The following ZFHX3 variants were observed in gnomAD, a reference collection of about 807,000 sequenced individuals.
The protein encoded by ZFHX3 is zinc finger homeobox 3.
Under a neutral mutation model 279.1 loss-of-function variants are expected in ZFHX3, and 42 were observed. That is an observed-to-expected ratio of 0.15 (90% CI 0.12 to 0.19). The LOEUF (loss-of-function observed/expected upper bound fraction) is 0.19, where lower values mean the gene tolerates loss of function less well. ZFHX3 is among the 10% of genes least tolerant of loss of function. The pLI, the probability that ZFHX3 is intolerant of heterozygous loss-of-function variation, is 1.00. For missense variants in ZFHX3, 4,981 were observed against 4,754.0 expected, an observed-to-expected ratio of 1.05 and a Z score of -1.40; for synonymous variants, 2,293 against 1,957.8, an observed-to-expected ratio of 1.17 and a Z score of -4.52.
chr16:72,902,635 A>G (rs2039067669), intron 3 of ZFHX3, among the ~76,000 whole-genome samples: 1 of 152,230 alleles, frequency 6.6e-6, no homozygotes, highest in Non-Finnish European at 1.5e-5. Flanking sequence ...ATTGTCCAGC[A>G]GAGTGGAGGA....
intron 3 of ZFHX3, among the ~76,000 whole-genome samples, chr16:73,393,245 G>A (rs1340890742): frequency 6.6e-6 from 1 of 152,144 alleles, no homozygotes. Flanking sequence ...CATTGTACCC[G>A]GCCCTTCCTT....
intron 5 of ZFHX3, among the ~76,000 whole-genome samples, chr16:73,168,267 C>CTT (rs1321620660): frequency 1.0e-4 from 15 of 148,508 alleles, no homozygotes; most frequent in African/African-American, 3.3e-4. Flanking sequence ...TTCTTTCTTT[C>CTT]TTTCTTTCTT....
chr16:73,000,995 G>A (rs771351737), intron 1 of ZFHX3, among the ~76,000 whole-genome samples: 7 of 152,166 alleles, frequency 4.6e-5, no homozygotes, highest in African/African-American at 1.4e-4. Flanking sequence ...ATCCCACCCC[G>A]TGGCATTCAC....
intron 1 of ZFHX3, among the ~76,000 whole-genome samples, chr16:73,057,472 A>T (rs749886790): frequency 2.7e-5 from 4 of 150,234 alleles, no homozygotes; most frequent in Non-Finnish European, 5.9e-5. Flanking sequence ...TTTTGCATCG[A>T]GTGGAGCCGG....
At chr16:73,053,348 C>G (rs1234756668) in intron 1 of ZFHX3, among the ~76,000 whole-genome samples, 1 of 152,044 alleles carries the variant, frequency 6.6e-6, no homozygotes, top group African/African-American at 2.4e-5. Flanking sequence ...GGATGGAAGG[C>G]GGTGGTGGGG....
chr16:73,478,911 G>A (rs1248562333), intron 2 of ZFHX3, among the ~76,000 whole-genome samples: 1 of 152,142 alleles, frequency 6.6e-6, no homozygotes, highest in African/African-American at 2.4e-5. Flanking sequence ...AATTAGCCAG[G>A]CATGGTGGTG....
intron 1 of ZFHX3, among the ~76,000 whole-genome samples, chr16:73,866,014 A>G (rs1962009293): frequency 1.3e-5 from 2 of 151,934 alleles, no homozygotes; most frequent in Admixed American, 6.6e-5. Context: ...AAAATAAAAC[A>G]AAACATGCTA....
At position 73,386,570 on chromosome 16, in the gene ZFHX3, G is replaced by A. The variant is rs185240990; in HGVS notation, c.-1290-68234C>T. 1.3e-3 allele frequency among the ~76,000 whole-genome samples: 198 copies of A among 152,112 alleles called. 1 individual carries two copies. Among genetic ancestry groups the A allele is most frequent in the Non-Finnish European group, 2.5e-3 (168 of 68,000 alleles). On this transcript the variant is annotated intron_variant, in intron 3 of 17. Coordinates refer to the ZFHX3 transcript ENST00000641206. ...CCTGGAGGTGTTTGCATTTTCATAG[G>A]GAGCAATTCCTTTCTTAACCCAACA...
At chr16:73,463,024 C>A (rs998482303) in intron 2 of ZFHX3, among the ~76,000 whole-genome samples, 1 of 152,138 alleles carries the variant, frequency 6.6e-6, no homozygotes, top group African/African-American at 2.4e-5. Flanking sequence ...TCTTCAGTGA[C>A]TTTTCTGATA....
At chr16:73,019,144 AAAGCTATCACTACGAGGC>A (rs1177720458) in intron 1 of ZFHX3, among the ~76,000 whole-genome samples, 1 of 152,206 alleles carries the variant, frequency 6.6e-6, no homozygotes, top group African/African-American at 2.4e-5. Flanking sequence ...GTGACTTTCA[AAAGCTATCACTACGAGGC>A]AAGGACCGAG....
chr16:73,768,592 C>G (rs2053980766), intron 1 of ZFHX3, among the ~76,000 whole-genome samples: 2 of 152,156 alleles, frequency 1.3e-5, no homozygotes, highest in African/African-American at 4.8e-5. Context: ...ATCAATCTCT[C>G]TACAGATTGC....
intron 1 of ZFHX3, among the ~76,000 whole-genome samples, chr16:73,866,776 C>A (rs115078164): frequency 4.6e-5 from 7 of 152,196 alleles, no homozygotes; most frequent in Non-Finnish European, 2.9e-5. Context: ...AGGAAGGACA[C>A]GTGAAGGAGT....
At chr16:73,486,695 A>G (rs1597354705) in intron 2 of ZFHX3, 4 of 431,030 alleles carry the variant, frequency 9.3e-6, no homozygotes, top group Non-Finnish European at 1.9e-5. Flanking sequence ...CTAGCCCAGG[A>G]CTTTCCTGGT....
intron 1 of ZFHX3, among the ~76,000 whole-genome samples, chr16:73,699,126 G>A (rs1044105022): frequency 2.6e-5 from 4 of 152,064 alleles, no homozygotes; most frequent in Admixed American, 6.5e-5. Context: ...TTCGTGATCC[G>A]CCCACCTTGG....
chr16:73,096,120 G>A (rs1966159053), intron 7 of ZFHX3, among the ~76,000 whole-genome samples: 1 of 152,134 alleles, frequency 6.6e-6, no homozygotes. Context: ...CACCTGGTTG[G>A]GGAATGTGAT....
In ZFHX3 at chr16:72,958,951, T is replaced by A. The variant is rs780317584; in HGVS notation, c.1195A>T (p.Thr399Ser). The change falls in exon 2 of 10, where the codon ACC becomes TCC. Residue 399 changes from threonine to serine, a missense_variant. Around this residue, in one of 7 missense-constraint regions of ZFHX3, gnomAD observed 1,068 missense variants for 935.2 expected, o/e 1.14. Coordinates refer to ENST00000268489, the MANE Select transcript of ZFHX3 (RefSeq NM_006885.4). ...QPQAGLLTPSTLLNLGGLTSS... is the reference protein window; with the variant it reads ...QPQAGLLTPSSLLNLGGLTSS... ...GTGAGCCCGCCAAGGTTCAACAGGG[T>A]GCTGGGGGTCAAGAGACCAGCCTGG... is the stretch of plus-strand genomic sequence containing the variant. 6.3e-7 allele frequency: 1 copy of A among 1,598,436 alleles called. No individual in the cohort carries two copies. The highest frequency in any genetic ancestry group is 1.7e-5 in the Admixed American group (1 of 58,182).
At chr16:72,842,445 G>A (rs976313914) in intron 4 of ZFHX3, among the ~76,000 whole-genome samples, 2 of 152,106 alleles carry the variant, frequency 1.3e-5, no homozygotes, top group African/African-American at 2.4e-5. Flanking sequence ...AAGGAAACTC[G>A]AAACAAATGA....
chr16:73,854,513 C>T (rs1961670223), intron 1 of ZFHX3, among the ~76,000 whole-genome samples: 1 of 151,904 alleles, frequency 6.6e-6, no homozygotes, highest in Non-Finnish European at 1.5e-5. Flanking sequence ...AACAGCAAGA[C>T]TCTGTCTCAT....
intron 1 of ZFHX3, among the ~76,000 whole-genome samples, chr16:73,036,559 G>C (rs1164813441): frequency 6.6e-6 from 1 of 152,064 alleles, no homozygotes; most frequent in Non-Finnish European, 1.5e-5. Flanking sequence ...CTTCTAAAGA[G>C]GGGGAGGTTG....
Sources: gnomAD v4.1 joint callset for allele counts (sites outside exome capture counted in the v4.1 genomes callset) on GRCh38, gnomAD v4.1.1 for gene constraint, gnomAD v4.1.1 regional missense constraint, MANE v1.5 for transcripts, NCBI Gene and HGNC (gene_info 2026-07-23, HGNC 2026-07-21) for gene names.